The following SH3BP4 variants were observed in gnomAD, a reference collection of about 807,000 sequenced individuals.
SH3BP4 encodes the protein SH3 domain-binding protein 4.
SH3BP4 carries 33 observed loss-of-function variants against 65.5 expected under a neutral mutation model. The observed-to-expected ratio is 0.50, with a 90% CI of 0.38 to 0.67. The LOEUF (loss-of-function observed/expected upper bound fraction) is 0.67. SH3BP4 is among the 30% of genes least tolerant of loss of function. SH3BP4 has a pLI of 0.00. For missense variants in SH3BP4, 1,134 were observed against 1,261.4 expected (o/e 0.90, Z 1.53); for synonymous variants, 552 against 545.5 (o/e 1.01, Z -0.17).
intron 2 of SH3BP4, among the ~76,000 whole-genome samples, chr2:235,016,348 C>T (rs1694683200): frequency 6.6e-6 from 1 of 152,144 alleles, no homozygotes; most frequent in Non-Finnish European, 1.5e-5. Context: ...TCCTGTAAGT[C>T]ACCTGAGCAT....
Position 234,978,580 on chromosome 2 carries a change from C to A in SH3BP4, c.-206-16723C>A, listed in dbSNP as rs1157336358. On this transcript the variant is annotated intron_variant, in intron 1 of 5. Transcript: ENST00000392011. The surrounding 1 kb of genome is among the most constrained non-coding windows in gnomAD (Gnocchi z 4.1). Reference sequence around the variant, plus strand: ...CTTTCTTAAGCCTGTGTAGAAAGTTCTTTTGTCCGGGTGACATTGGCATGA... The same window carrying A: ...CTTTCTTAAGCCTGTGTAGAAAGTTATTTTGTCCGGGTGACATTGGCATGA... The A allele has an allele frequency of 6.6e-6, 1 of 152,182 alleles. No homozygotes were observed. The highest frequency in any genetic ancestry group is 2.4e-5 in the African/African-American group (1 of 41,418). 9.4% of individuals were successfully genotyped at this position (152,182 alleles called of 1,614,324 possible).
intron 2 of SH3BP4, among the ~76,000 whole-genome samples, chr2:235,016,699 T>C (rs971201395): frequency 6.6e-6 from 1 of 152,108 alleles, no homozygotes; most frequent in African/African-American, 2.4e-5. Flanking sequence ...TTATTAGAGA[T>C]GGGGTTTCAC....
Position 234,974,524 on chromosome 2 carries a change from A to G in SH3BP4, c.-206-20779A>G, listed in dbSNP as rs910130344. On this transcript the variant is annotated intron_variant, in intron 1 of 5. Coordinates refer to ENST00000392011, the MANE Select transcript of SH3BP4 (RefSeq NM_014521.3). This position sits in a 1 kb window ranked among gnomAD's most constrained non-coding sequence, Gnocchi z 4.6. The stretch of plus-strand genomic sequence containing the variant: ...TAACAGGAGTATCCTGCATCCCACC[A>G]CAGGATGTGCTGAGTCCACTTGGAA... 9.9e-5 allele frequency among the ~76,000 whole-genome samples: 15 copies of G among 152,128 alleles called. No individual in the cohort carries two copies. The highest frequency in any genetic ancestry group is 8.5e-4 in the Admixed American group (13 of 15,276).
At chr2:235,007,137 G>A (rs1169252769) in intron 2 of SH3BP4, among the ~76,000 whole-genome samples, 4 of 152,068 alleles carry the variant, frequency 2.6e-5, no homozygotes, top group African/African-American at 7.2e-5. Flanking sequence ...AGGGGAGGGA[G>A]GGGAGGGAGT....
intron 1 of SH3BP4, among the ~76,000 whole-genome samples, chr2:234,990,343 T>A (rs1031737373): frequency 1.3e-5 from 2 of 152,176 alleles, no homozygotes; most frequent in African/African-American, 4.8e-5. Context: ...ATGGCTCCAT[T>A]GATGTCCACT....
Position 234,977,475 on chromosome 2 carries a change from G to C in SH3BP4, c.-206-17828G>C, listed in dbSNP as rs1693201982. On this transcript the variant is annotated intron_variant, in intron 1 of 5. Transcript: ENST00000392011. The surrounding 1 kb of genome is among the most constrained non-coding windows in gnomAD (Gnocchi z 5.1). ...GATCAGCTTTTTGCCGAGTGAACTTGAGAACCGGAGCAGAGCTGCAGGGAC... is the reference window on the plus strand; with the variant it reads ...GATCAGCTTTTTGCCGAGTGAACTTCAGAACCGGAGCAGAGCTGCAGGGAC... Among the ~76,000 whole-genome samples, 1 of 152,202 alleles carries C rather than the reference G, an allele frequency of 6.6e-6. No individual in the cohort carries two copies. The highest frequency in any genetic ancestry group is 1.5e-5 in the Non-Finnish European group (1 of 68,034).
intron 2 of SH3BP4, among the ~76,000 whole-genome samples, chr2:235,025,204 C>T (rs1694960510): frequency 6.6e-6 from 1 of 152,158 alleles, no homozygotes; most frequent in South Asian, 2.1e-4. Flanking sequence ...CAGGTACACA[C>T]TGGTGTGTCT....
At chr2:235,039,948 G>A (rs1695581374) in intron 3 of SH3BP4, among the ~76,000 whole-genome samples, 1 of 152,194 alleles carries the variant, frequency 6.6e-6, no homozygotes, top group African/African-American at 2.4e-5. Context: ...ATTTAAAAGA[G>A]GTTGGGCCAG....
intron 4 of SH3BP4, among the ~76,000 whole-genome samples, chr2:235,048,226 A>C (rs767003067): frequency 1.3e-5 from 2 of 152,238 alleles, no homozygotes; most frequent in Non-Finnish European, 2.9e-5. Flanking sequence ...CCATGTGCAG[A>C]AGGCTTCCCC....
chr2:235,047,272 C>T (rs1167767511), intron 4 of SH3BP4, among the ~76,000 whole-genome samples: 3 of 152,180 alleles, frequency 2.0e-5, no homozygotes, highest in Non-Finnish European at 4.4e-5. Flanking sequence ...CACATTTAAG[C>T]CTTGTGCTCC....
At chr2:234,972,134 GT>G (rs944964472) in intron 1 of SH3BP4, among the ~76,000 whole-genome samples, 6 of 114,442 alleles carry the variant, frequency 5.2e-5, no homozygotes, top group Admixed American at 1.7e-4. Context: ...TTTGTTTTTT[GT>G]TTTTTTTTTG....
intron 3 of SH3BP4, among the ~76,000 whole-genome samples, chr2:235,037,700 C>T (rs1441115332): frequency 6.6e-6 from 1 of 152,108 alleles, no homozygotes. Context: ...TGTGACATTT[C>T]CAGTAGATTG....
chr2:235,003,502 A>T (rs1382112411), intron 2 of SH3BP4, among the ~76,000 whole-genome samples: 2 of 152,204 alleles, frequency 1.3e-5, no homozygotes, highest in Non-Finnish European at 2.9e-5. Context: ...ATCTGCTGAG[A>T]AGCAGATTCC....
chr2:235,038,392 T>C (rs1204385763), intron 3 of SH3BP4, among the ~76,000 whole-genome samples: 10 of 20,608 alleles, frequency 4.9e-4, no homozygotes, highest in African/African-American at 1.7e-3. Context: ...TATATATATA[T>C]ATATATATAT....
At position 234,984,296 on chromosome 2, in the gene SH3BP4, G is replaced by A. The variant is rs543515231; in HGVS notation, c.-206-11007G>A. 2.0e-5 allele frequency among the ~76,000 whole-genome samples: 3 copies of A among 152,252 alleles called. No homozygotes were observed. In the South Asian group the frequency reaches 6.2e-4, roughly 32 times the overall value. The stretch of plus-strand genomic sequence containing the variant: ...TGGCTCACTGCAACCTCGACCTCTG[G>A]GCTCAAGTGATCCTCCCACCCCAGC... On this transcript the variant is annotated intron_variant, in intron 1 of 5. Transcript: ENST00000392011.
intron 4 of SH3BP4, among the ~76,000 whole-genome samples, chr2:235,047,426 C>T (rs762563259): frequency 4.6e-5 from 7 of 152,160 alleles, no homozygotes; most frequent in South Asian, 4.1e-4. Flanking sequence ...AGAAACACTG[C>T]GTGGTCGGTG....
At chr2:235,003,329 A>G (rs1418869672) in intron 2 of SH3BP4, among the ~76,000 whole-genome samples, 1 of 152,228 alleles carries the variant, frequency 6.6e-6, no homozygotes, top group Non-Finnish European at 1.5e-5. Context: ...GTGGACTTAG[A>G]TCCTACAAAC....
At position 234,976,802 on chromosome 2, in the gene SH3BP4, C is replaced by G. The variant is rs995293533; in HGVS notation, c.-206-18501C>G. 6.6e-6 allele frequency among the ~76,000 whole-genome samples: 1 copy of G among 152,166 alleles called. No homozygotes were observed. The highest frequency in any genetic ancestry group is 2.4e-5 in the African/African-American group (1 of 41,444). On this transcript the variant is annotated intron_variant, in intron 1 of 5. Coordinates refer to ENST00000392011, the MANE Select transcript of SH3BP4 (RefSeq NM_014521.3). The surrounding 1 kb of genome is among the most constrained non-coding windows in gnomAD (Gnocchi z 4.7). ...AGAATACCTAACCAGGCCTCCTCTA[C>G]TGTCAAGGTCACCCAAAACACACAA...
In SH3BP4 at chr2:235,035,129, C is replaced by A. The variant is rs1695335742; in HGVS notation, c.118+9C>A. On this transcript the variant is annotated intron_variant, in intron 3 of 5. Transcript: ENST00000392011. This position sits in a 1 kb window ranked among gnomAD's most constrained non-coding sequence, Gnocchi z 5.0. Reference sequence around the variant, plus strand: ...CTTTAATGACATCAAAGGTGAGCTTCTGGGGAACAGGACTGTGGCTAAGGG... The same window carrying A: ...CTTTAATGACATCAAAGGTGAGCTTATGGGGAACAGGACTGTGGCTAAGGG... 1.3e-6 allele frequency: 2 copies of A among 1,594,564 alleles called. No homozygotes were observed. Among genetic ancestry groups the A allele is most frequent in the Non-Finnish European group, 1.7e-6 (2 of 1,162,146 alleles).
Sources: gnomAD v4.1 joint callset for allele counts (sites outside exome capture counted in the v4.1 genomes callset) on GRCh38, gnomAD v4.1.1 for gene constraint, Gnocchi (gnomAD v3.1) non-coding constraint, MANE v1.5 for transcripts, NCBI Gene and HGNC (gene_info 2026-07-23, HGNC 2026-07-21) for gene names.